The following PLXNA2 variants were observed in gnomAD, a reference collection of about 807,000 sequenced individuals.
PLXNA2 encodes plexin A2, also known as plexin-A2.
A neutral mutation model predicts 193.5 loss-of-function variants in PLXNA2; 91 were observed. The observed-to-expected ratio is 0.47, with a 90% CI of 0.40 to 0.56. The LOEUF is 0.56. Among genes scored for constraint, PLXNA2 ranks in the 20% least tolerant of loss-of-function variants. The probability of loss-of-function intolerance (pLI) is 0.00; values close to 1 mark genes in which losing one functional copy is unlikely to be tolerated. For missense variants in PLXNA2, 1,995 were observed against 2,503.2 expected, an observed-to-expected ratio of 0.80 and a Z score of 4.33; for synonymous variants, 997 against 1,027.3, an observed-to-expected ratio of 0.97 and a Z score of 0.56.
rs377092420 is a variant in PLXNA2 at position 208,033,406 on chromosome 1, C to T, written c.4968G>A (p.Lys1656=). 1 of 1,614,082 alleles carries T rather than the reference C, an allele frequency of 6.2e-7. No homozygotes were observed. Among genetic ancestry groups the T allele is most frequent in the African/African-American group, 1.3e-5 (1 of 74,938 alleles). The stretch of plus-strand genomic sequence containing the variant: ...CCTTCTGGTCACCGTGGTCATGGTT[C>T]TTCACCAGATGCCACACCTTGACCC... ...ESGVKVWHLV[K]NHDHGDQKEG... Residue 1656 remains lysine (K), a synonymous_variant, in exon 28 of 32, where the codon AAG becomes AAA. Coordinates refer to ENST00000367033, the MANE Select transcript of PLXNA2 (RefSeq NM_025179.4).
chr1:208,149,229 G>C (rs776318445), intron 3 of PLXNA2, among the ~76,000 whole-genome samples: 4 of 151,826 alleles, frequency 2.6e-5, no homozygotes, highest in Non-Finnish European at 5.9e-5. Context: ...TGTATGATGT[G>C]TATGTGTTGT....
chr1:208,215,074 A>G (rs1227899038), intron 2 of PLXNA2, among the ~76,000 whole-genome samples: 2 of 151,594 alleles, frequency 1.3e-5, no homozygotes, highest in Non-Finnish European at 2.9e-5. Flanking sequence ...GTATAGTAGC[A>G]CAATCTTGGC....
Position 208,096,045 on chromosome 1 carries a change from A to G in PLXNA2, c.1966T>C (p.Cys656Arg). ...FVSTEFKFYNCSAHQLCLSCV... is the reference protein window; with the variant it reads ...FVSTEFKFYNRSAHQLCLSCV... ...AGCACTTACAGTTGGTGGGCACTGC[A>G]GTTGTAAAACTTGAACTCGGTGCTG... The change falls in exon 8 of 32, where the codon TGC becomes CGC. Residue 656 changes from cysteine to arginine, a missense_variant. Physicochemically the swap from Cys to Arg is radical, Grantham distance 180. Around this residue, in one of 3 missense-constraint regions of PLXNA2, gnomAD observed 1,291 missense variants for 1,673.6 expected, o/e 0.77. Coordinates refer to ENST00000367033, the MANE Select transcript of PLXNA2 (RefSeq NM_025179.4). 6.2e-7 allele frequency: 1 copy of G among 1,613,486 alleles called. No homozygotes were observed. The highest frequency in any genetic ancestry group is 8.5e-7 in the Non-Finnish European group (1 of 1,179,430).
chr1:208,226,873 C>A (rs1671527866), intron 1 of PLXNA2, among the ~76,000 whole-genome samples: 1 of 152,250 alleles, frequency 6.6e-6, no homozygotes, highest in Non-Finnish European at 1.5e-5. Flanking sequence ...TTGCCATGGC[C>A]ACCTCCCCGC....
Position 208,121,374 on chromosome 1 carries a change from G to A in PLXNA2, c.1507-18127C>T, listed in dbSNP as rs568429349. The stretch of plus-strand genomic sequence containing the variant: ...TAGGTTTCCACTCAAGAATTCTCGT[G>A]CTTATGAAAAAAGAATACTGATATG... On this transcript the variant is annotated intron_variant, in intron 4 of 31. Transcript: ENST00000367033. 2.6e-5 allele frequency among the ~76,000 whole-genome samples: 4 copies of A among 152,266 alleles called. No homozygotes were observed. The East Asian group carries it at 5.8e-4, about 22-fold the overall frequency.
intron 26 of PLXNA2, among the ~76,000 whole-genome samples, chr1:208,037,485 G>A (rs1460407206): frequency 6.6e-6 from 1 of 152,218 alleles, no homozygotes; most frequent in Non-Finnish European, 1.5e-5. Context: ...CCGAGACAGG[G>A]ACATGGGAGG....
chr1:208,229,211 G>C (rs1356968567), intron 1 of PLXNA2, among the ~76,000 whole-genome samples: 1 of 152,168 alleles, frequency 6.6e-6, no homozygotes, highest in East Asian at 1.9e-4. Flanking sequence ...CTTTGGAGGA[G>C]AGAAAGGAGA....
At position 208,243,676 on chromosome 1, in the gene PLXNA2, C is replaced by G. The variant is rs1490878317; in HGVS notation, c.-114G>C. On this transcript the variant is annotated 5_prime_UTR_variant, in exon 1 of 32. Transcript: ENST00000367033. ...GCGACGTCGGTCTGTCCTTCCGTCC[C>G]CGCTCGGTCTACCTCGGCCGCCGCC... The G allele has an allele frequency of 6.6e-6, 1 of 152,210 alleles. No individual in the cohort carries two copies. The highest frequency in any genetic ancestry group is 2.4e-5 in the African/African-American group (1 of 41,466). The allele number at this position is 152,210 out of a possible 1,614,324, so 9.4% of individuals were successfully genotyped here.
intron 3 of PLXNA2, among the ~76,000 whole-genome samples, chr1:208,169,829 A>G (rs970772262): frequency 2.6e-5 from 4 of 151,838 alleles, no homozygotes; most frequent in Admixed American, 2.6e-4. Flanking sequence ...TCTTGAGTTT[A>G]TAAAATGAAA....
intron 8 of PLXNA2, among the ~76,000 whole-genome samples, 163 bp downstream of exon 8, chr1:208,095,866 T>C (rs187879319): frequency 3.7e-4 from 57 of 152,330 alleles, no homozygotes; most frequent in African/African-American, 1.3e-3. Context: ...TATGGTAGTA[T>C]TTATGTACAG....
chr1:208,084,681 G>A (rs1666453927), intron 9 of PLXNA2, 101 bp from the exon 10 acceptor site: 2 of 1,104,428 alleles, frequency 1.8e-6, no homozygotes, highest in Non-Finnish European at 2.6e-6. Flanking sequence ...CTGCCCAAGA[G>A]CAGGATATTA....
At position 208,210,310 on chromosome 1, in the gene PLXNA2, A is replaced by C. The variant is rs1438697413; in HGVS notation, c.1341T>G (p.Phe447Leu). Residue 447 changes from phenylalanine to leucine, a missense_variant, in exon 3 of 32, where the codon TTT becomes TTG. Physicochemically the swap from Phe to Leu is conservative, Grantham distance 22 (BLOSUM62 0). Transcript: ENST00000367033. ...TCAGCTTGCCACTCTTAGTCCCCAC[A>C]AAAACCACGCTGTAGCCGTTGTAAA... is the stretch of plus-strand genomic sequence containing the variant. ...SYVYNGYSVV[F>L]VGTKSGKLKK... 2.5e-6 allele frequency: 4 copies of C among 1,613,816 alleles called. No homozygotes were observed. In the African/African-American group the frequency reaches 5.3e-5, roughly 22 times the overall value.
At chr1:208,215,201 G>T (rs981126703) in intron 2 of PLXNA2, among the ~76,000 whole-genome samples, 1 of 152,072 alleles carries the variant, frequency 6.6e-6, no homozygotes, top group African/African-American at 2.4e-5. Flanking sequence ...TTGTCATGTT[G>T]CCCAGGCTGG....
intron 17 of PLXNA2, among the ~76,000 whole-genome samples, chr1:208,047,626 A>C (rs1665121564): frequency 6.6e-6 from 1 of 152,242 alleles, no homozygotes; most frequent in Non-Finnish European, 1.5e-5. Context: ...GGCAACAGCC[A>C]GGGCATCTCT....
chr1:208,224,927 C>T (rs1671465306), intron 1 of PLXNA2, among the ~76,000 whole-genome samples: 1 of 152,184 alleles, frequency 6.6e-6, no homozygotes, highest in African/African-American at 2.4e-5. Flanking sequence ...TAAACTACAT[C>T]CACGCTCCAA....
At chr1:208,212,372 C>T (rs1228237247) in intron 2 of PLXNA2, among the ~76,000 whole-genome samples, 1 of 152,180 alleles carries the variant, frequency 6.6e-6, no homozygotes, top group Non-Finnish European at 1.5e-5. Context: ...TAGAGAGCTG[C>T]TGCTCCTGTT....
chr1:208,164,500 G>C (rs1314217914), intron 3 of PLXNA2, among the ~76,000 whole-genome samples: 2 of 152,180 alleles, frequency 1.3e-5, no homozygotes, highest in African/African-American at 2.4e-5. Context: ...GCCAGTTCCA[G>C]ACACCTTCTA....
At chr1:208,084,177 C>T (rs908417057) in intron 10 of PLXNA2, among the ~76,000 whole-genome samples, 34 of 152,260 alleles carry the variant, frequency 2.2e-4, no homozygotes, top group African/African-American at 7.7e-4. Context: ...AGGGTCCTCA[C>T]GGAACTGTCT....
intron 17 of PLXNA2, among the ~76,000 whole-genome samples, chr1:208,048,493 T>C (rs1319027542): frequency 6.6e-6 from 1 of 152,318 alleles, no homozygotes; most frequent in South Asian, 2.1e-4. Flanking sequence ...AGGTCACCAC[T>C]GAAACTGAGG....
Sources: allele counts gnomAD v4.1 joint callset (sites outside exome capture counted in the v4.1 genomes callset), GRCh38; gene constraint gnomAD v4.1.1; regional missense constraint gnomAD v4.1.1; transcripts MANE v1.5; gene names NCBI Gene and HGNC (gene_info 2026-07-23, HGNC 2026-07-21).